The following COL1A2 variants were observed in gnomAD, a reference collection of about 807,000 sequenced individuals.
COL1A2 encodes the protein collagen alpha-2(I) chain.
COL1A2 carries 49 observed loss-of-function variants against 174.3 expected under a neutral mutation model. The ratio of observed to expected loss-of-function variants is 0.28; its 90% confidence interval spans 0.22 to 0.36. The LOEUF (loss-of-function observed/expected upper bound fraction) is 0.36. Ranked by LOEUF, COL1A2 falls within the 10% of genes least tolerant of loss-of-function variation. The probability of loss-of-function intolerance (pLI) is 1.00; values close to 1 mark genes in which losing one functional copy is unlikely to be tolerated. For missense variants in COL1A2, 1,438 were observed against 1,822.7 expected, an observed-to-expected ratio of 0.79 and a Z score of 3.84; for synonymous variants, 655 against 606.6, an observed-to-expected ratio of 1.08 and a Z score of -1.17.
chr7:94,414,078 T>A, intron 28 of COL1A2, 131 bp downstream of exon 28: 1 of 1,339,316 alleles, frequency 7.5e-7, no homozygotes. Flanking sequence ...GTGCATTTTT[T>A]TCAAACAAAC....
At chr7:94,425,295 C>T (rs1792250549) in intron 42 of COL1A2, 71 bp downstream of exon 42, 1 of 1,377,886 alleles carries the variant, frequency 7.3e-7, no homozygotes, top group East Asian at 2.3e-5. Flanking sequence ...ATGTCCTGAG[C>T]TGAGGTTCTC....
chr7:94,430,434 A>G lies in COL1A2; in HGVS notation c.*41A>G. 6.2e-7 allele frequency: 1 copy of G among 1,600,816 alleles called. No individual in the cohort carries two copies. The highest frequency in any genetic ancestry group is 8.5e-7 in the Non-Finnish European group (1 of 1,172,342). ...ATTAAAAAAGAAAGAAATTTGAAAA[A>G]ACTTTCTCTTTGCCATTTCTTCTTC... On this transcript the variant is annotated 3_prime_UTR_variant, in exon 52 of 52. Transcript: ENST00000297268.
At chr7:94,418,397 G>A in intron 32 of COL1A2, 102 bp from the exon 33 acceptor site, 1 of 860,780 alleles carries the variant, frequency 1.2e-6, no homozygotes. Flanking sequence ...AATGACTGAA[G>A]GTATCATAGC....
chr7:94,427,308 T>G lies in COL1A2; in HGVS notation c.3267+13T>G. On this transcript the variant is annotated intron_variant, in intron 48 of 51. Transcript: ENST00000297268. The stretch of plus-strand genomic sequence containing the variant: ...CCAAGGCCCTGCTGTAAGTATGATT[T>G]GGGGAAATAATAAAGAAGATCACGG... The G allele has an allele frequency of 6.3e-7, 1 of 1,599,214 alleles. No individual in the cohort carries two copies. Among genetic ancestry groups the G allele is most frequent in the South Asian group, 1.1e-5 (1 of 89,318 alleles).
chr7:94,428,045 C>A (rs1792319251), intron 49 of COL1A2, among the ~76,000 whole-genome samples, 160 bp downstream of exon 49: 1 of 152,190 alleles, frequency 6.6e-6, no homozygotes, highest in African/African-American at 2.4e-5. Context: ...AACCAGCACC[C>A]AACCTCATTT....
chr7:94,410,607 A>T, intron 21 of COL1A2, 80 bp downstream of exon 21: 1 of 1,246,662 alleles, frequency 8.0e-7, no homozygotes, highest in South Asian at 1.3e-5. Context: ...GGTCAAAATT[A>T]CTGACTGTGT....
chr7:94,406,822 C>G (rs745342147), intron 12 of COL1A2, among the ~76,000 whole-genome samples: 2 of 152,140 alleles, frequency 1.3e-5, no homozygotes, highest in Non-Finnish European at 2.9e-5. Context: ...TCTCTGACAG[C>G]GTTTTCAACT....
rs763974489 is a variant in COL1A2 at position 94,427,254 on chromosome 7, C to A, written c.3226C>A (p.Pro1076Thr). 59 of 1,613,712 alleles carry A rather than the reference C, an allele frequency of 3.7e-5. No homozygotes were observed. The South Asian group carries it at 6.2e-4, about 17-fold the overall frequency. Residue 1076 changes from proline to threonine, a missense_variant, in exon 48 of 52, where the codon CCT (proline) becomes ACT (threonine). Pro to Thr is a conservative substitution (Grantham distance 38, BLOSUM62 -1). Around this residue, in one of 3 missense-constraint regions of COL1A2, gnomAD observed 867 missense variants for 1,213.7 expected, o/e 0.71. Transcript: ENST00000297268. ...GRTGHPGTVG[P>T]AGIRGPQGHQ... Reference sequence around the variant, plus strand: ...CACTGGACATCCTGGTACAGTTGGACCTGCTGGCATTCGAGGCCCTCAGGG... The same window carrying A: ...CACTGGACATCCTGGTACAGTTGGAACTGCTGGCATTCGAGGCCCTCAGGG...
rs746826597 is a variant in COL1A2, at chr7:94,430,418, G to T, written c.*25G>T. ...AATGAACTCAATCTAAATTAAAAAA[G>T]AAAGAAATTTGAAAAAACTTTCTCT... On this transcript the variant is annotated 3_prime_UTR_variant, in exon 52 of 52. Transcript: ENST00000297268. The T allele has an allele frequency of 3.3e-5, 53 of 1,608,584 alleles. No individual in the cohort carries two copies. Among genetic ancestry groups the T allele is most frequent in the Non-Finnish European group, 4.2e-5 (49 of 1,178,450 alleles).
In COL1A2 at chr7:94,419,390, C is replaced by T. The variant is rs879065301; in HGVS notation, c.2026-108C>T. 6 of 1,252,408 alleles carry T rather than the reference C, an allele frequency of 4.8e-6. No homozygotes were observed. In the South Asian group the frequency reaches 6.2e-5, roughly 13 times the overall value. The allele number at this position is 1,252,408 out of a possible 1,614,324, so 77.6% of individuals were successfully genotyped here. ...GCCTTCTAGATATCCAACCAGAGTGCAGTGAAAGTGTTCAGTCACTGTATA... is the reference window on the plus strand; with the variant it reads ...GCCTTCTAGATATCCAACCAGAGTGTAGTGAAAGTGTTCAGTCACTGTATA... On this transcript the variant is annotated intron_variant, in intron 33 of 51. Coordinates refer to ENST00000297268, the MANE Select transcript of COL1A2 (RefSeq NM_000089.4).
In COL1A2 at chr7:94,409,196, C is replaced by T. The variant is rs41316926; in HGVS notation, c.793-126C>T. The stretch of plus-strand genomic sequence containing the variant: ...ACCAAACTCAAATCTTGTAATAAAA[C>T]GGATAAGAAAAATAATTGCAATTTT... On this transcript the variant is annotated intron_variant, in intron 16 of 51. Coordinates refer to ENST00000297268, the MANE Select transcript of COL1A2 (RefSeq NM_000089.4). 2,345 of 946,760 alleles carry T rather than the reference C, an allele frequency of 2.5e-3. 9 individuals are homozygous for T. Among genetic ancestry groups the T allele is most frequent in the Middle Eastern group, 2.8e-3 (9 of 3,236 alleles). The allele number at this position is 946,760 out of a possible 1,614,324, so 58.6% of individuals were successfully genotyped here.
chr7:94,412,257 A>G, intron 24 of COL1A2, 136 bp downstream of exon 24: 1 of 813,128 alleles, frequency 1.2e-6, no homozygotes, highest in East Asian at 2.7e-5. Context: ...AATGCAGAGT[A>G]ATAGATTGTA....
At position 94,410,296 on chromosome 7, in the gene COL1A2, G is replaced by A; in HGVS notation, c.1089+1G>A. ...AGAGAGCGGTAACAAGGGTGAGCCC[G>A]TAAGTAGCTCTATCATCACACTTTT... is the stretch of plus-strand genomic sequence containing the variant. On this transcript the variant is annotated splice_donor_variant, in intron 20 of 51. Coordinates refer to ENST00000297268, the MANE Select transcript of COL1A2 (RefSeq NM_000089.4). LOFTEE classifies it high-confidence loss of function. 4 of 1,613,940 alleles carry A rather than the reference G, an allele frequency of 2.5e-6. No homozygotes were observed. The highest frequency in any genetic ancestry group is 3.4e-6 in the Non-Finnish European group (4 of 1,179,984).
chr7:94,413,054 CTTTGT>C, intron 25 of COL1A2, 24 bp from the exon 26 acceptor site: 1 of 1,609,950 alleles, frequency 6.2e-7, no homozygotes, highest in Non-Finnish European at 8.5e-7. Flanking sequence ...CAAAGCTGTT[CTTTGT>C]TTTGTTTTTC....
intron 10 of COL1A2, 66 bp downstream of exon 10, chr7:94,405,318 G>A: frequency 1.4e-6 from 2 of 1,445,234 alleles, no homozygotes; most frequent in Non-Finnish European, 1.9e-6. Flanking sequence ...GCTAAAACTA[G>A]CATCAATCTA....
At position 94,412,636 on chromosome 7, in the gene COL1A2, G is replaced by A; in HGVS notation, c.1457G>A (p.Arg486Lys). 6.2e-7 allele frequency: 1 copy of A among 1,614,160 alleles called. No homozygotes were observed. Among genetic ancestry groups the A allele is most frequent in the African/African-American group, 1.3e-5 (1 of 75,038 alleles). The change falls in exon 25 of 52, where the codon AGA becomes AAA. Residue 486 changes from arginine to lysine, a missense_variant. Arg to Lys is a conservative substitution (Grantham distance 26). Coordinates refer to ENST00000297268, the MANE Select transcript of COL1A2 (RefSeq NM_000089.4). ...RPGPIGPAGA[R>K]GEPGNIGFPG... ...GGCCCAATTGGCCCAGCTGGAGCAA[G>A]AGGAGAGCCTGGCAACATTGGATTC...
rs374282276 is a variant in COL1A2 at position 94,427,789 on chromosome 7, A to C, written c.3430A>C (p.Asn1144His). 13 of 1,613,974 alleles carry C rather than the reference A, an allele frequency of 8.1e-6. No homozygotes were observed. Among genetic ancestry groups the C allele is most frequent in the Non-Finnish European group, 1.1e-5 (13 of 1,179,978 alleles). ...TGATGCTACTCTGAAGTCTCTCAAC[A>C]ACCAGATTGAGACCCTTCTTACTCC... ...EVDATLKSLN[N>H]QIETLLTPEG... Residue 1144 changes from asparagine to histidine, a missense_variant, in exon 49 of 52, where the codon AAC becomes CAC. Coordinates refer to ENST00000297268, the MANE Select transcript of COL1A2 (RefSeq NM_000089.4).
At chr7:94,419,640 G>A (rs1792111514) in intron 34 of COL1A2, 89 bp downstream of exon 34, 1 of 1,412,774 alleles carries the variant, frequency 7.1e-7, no homozygotes, top group Non-Finnish European at 1.0e-6. Flanking sequence ...TCATTTTTAT[G>A]GCTTGGTATA....
At chr7:94,427,099 T>C (rs1436781009) in intron 47 of COL1A2, 38 bp downstream of exon 47, 115 of 1,612,686 alleles carry the variant, frequency 7.1e-5, no homozygotes, top group Non-Finnish European at 9.2e-5. Flanking sequence ...ATCTCTGAAA[T>C]AGAGGCTAAA....
Sources: allele counts gnomAD v4.1 joint callset (sites outside exome capture counted in the v4.1 genomes callset), GRCh38; gene constraint gnomAD v4.1.1; regional missense constraint gnomAD v4.1.1; transcripts MANE v1.5; gene names NCBI Gene and HGNC (gene_info 2026-07-23, HGNC 2026-07-21).